GCN1: variants seen among roughly 807,000 people sequenced by gnomAD.
The protein encoded by GCN1 is GCN1 activator of EIF2AK4.
Under a neutral mutation model 288.4 loss-of-function variants are expected in GCN1, and 90 were observed. That is an observed-to-expected ratio of 0.31 (90% CI 0.26 to 0.37). GCN1 has a LOEUF of 0.37. Ranked by LOEUF, GCN1 falls within the 10% of genes least tolerant of loss-of-function variation. GCN1 has a pLI of 1.00. For synonymous variants in GCN1, 1,386 were observed against 1,420.2 expected, an observed-to-expected ratio of 0.98 and a Z score of 0.54; for missense variants, 2,586 against 3,419.9, an observed-to-expected ratio of 0.76 and a Z score of 6.08.
At chr12:120,152,389 G>GCACACACA (rs59756164) in intron 33 of GCN1, among the ~76,000 whole-genome samples, 3 of 116,576 alleles carry the variant, frequency 2.6e-5, no homozygotes, top group African/African-American at 1.0e-4. Flanking sequence ...ACACACACGC[G>GCACACACA]CACACACACA....
intron 36 of GCN1, among the ~76,000 whole-genome samples, chr12:120,148,660 T>A (rs556482945): frequency 1.3e-5 from 2 of 152,266 alleles, no homozygotes; most frequent in South Asian, 4.1e-4. Context: ...TGTTTCTTCA[T>A]CCACAAATGA....
At chr12:120,150,084 C>A in intron 34 of GCN1, 41 bp from the exon 35 acceptor site, 1 of 1,608,580 alleles carries the variant, frequency 6.2e-7, no homozygotes, top group Non-Finnish European at 8.5e-7. Context: ...AGAGAATGTC[C>A]CCTGGGGGTA....
intron 16 of GCN1, among the ~76,000 whole-genome samples, chr12:120,165,024 CACACACACACACAT>C (rs1878065514): frequency 6.9e-6 from 1 of 145,168 alleles, no homozygotes; most frequent in African/African-American, 2.6e-5. Flanking sequence ...CACACACACA[CACACACACACACAT>C]ATATATATAT....
chr12:120,187,887 G>GGA (rs1555303498), intron 2 of GCN1, among the ~76,000 whole-genome samples: 4 of 99,618 alleles, frequency 4.0e-5, no homozygotes, highest in African/African-American at 1.5e-4. Context: ...CAAAAGAAAT[G>GGA]AAAAAAAAAA....
intron 55 of GCN1, 83 bp downstream of exon 55, chr12:120,131,102 C>A: frequency 1.6e-6 from 2 of 1,276,310 alleles, no homozygotes; most frequent in South Asian, 1.3e-5. Context: ...AAGCCCCAGT[C>A]TGGGGTCCAC....
chr12:120,145,679 T>C (rs973269197), intron 38 of GCN1, among the ~76,000 whole-genome samples: 14 of 152,348 alleles, frequency 9.2e-5, no homozygotes, highest in African/African-American at 3.1e-4. Context: ...CCTTTCAGAA[T>C]TTTATTAACA....
chr12:120,166,502 A>G (rs1432841462), intron 16 of GCN1, among the ~76,000 whole-genome samples: 1 of 151,880 alleles, frequency 6.6e-6, no homozygotes, highest in Admixed American at 6.6e-5. Context: ...CAGGAGACCA[A>G]GACCAGCCTG....
intron 36 of GCN1, among the ~76,000 whole-genome samples, chr12:120,149,055 A>G (rs931298248): frequency 9.3e-5 from 14 of 151,266 alleles, no homozygotes; most frequent in South Asian, 6.2e-4. Flanking sequence ...CCTGCCCTCA[A>G]GAGATTCTCC....
At position 120,164,487 on chromosome 12, in the gene GCN1, T is replaced by G. The variant is rs1199782190; in HGVS notation, c.1697A>C (p.His566Pro). The G allele has an allele frequency of 1.2e-6, 2 of 1,613,808 alleles. No homozygotes were observed. The highest frequency in any genetic ancestry group is 8.5e-7 in the Non-Finnish European group (1 of 1,179,884). The change falls in exon 18 of 58, where the codon CAC becomes CCC. Residue 566 changes from histidine to proline, a missense_variant. Physicochemically the swap from His to Pro is moderately conservative, Grantham distance 77. This residue lies in a region of GCN1 where 913 missense variants were observed against 1,107.0 expected (regional missense o/e 0.82). Transcript: ENST00000300648. ...RLTGNKVQQY[H>P]RALVAVLLSR... ...CAGGAGCACCGCCACCAGAGCCCGG[T>G]GGTACTGCCTGCAAGCACAGGGACA... is the stretch of plus-strand genomic sequence containing the variant.
intron 5 of GCN1, among the ~76,000 whole-genome samples, chr12:120,182,299 T>C (rs935951900): frequency 1.4e-4 from 21 of 152,310 alleles, no homozygotes; most frequent in Non-Finnish European, 2.5e-4. Context: ...TACGTAATCC[T>C]TGACCCTCAA....
intron 2 of GCN1, among the ~76,000 whole-genome samples, chr12:120,188,767 T>C (rs1041258540): frequency 6.7e-6 from 1 of 149,640 alleles, no homozygotes; most frequent in African/African-American, 2.5e-5. Flanking sequence ...AAGAATGATA[T>C]GAACCCGGGA....
rs1878042571 is a variant in GCN1, at chr12:120,164,627, G to A, written c.1688+19C>T. The A allele has an allele frequency of 6.2e-7, 1 of 1,611,128 alleles. No homozygotes were observed. The highest frequency in any genetic ancestry group is 8.5e-7 in the Non-Finnish European group (1 of 1,177,432). On this transcript the variant is annotated intron_variant, in intron 17 of 57. Coordinates refer to ENST00000300648, the MANE Select transcript of GCN1 (RefSeq NM_006836.2). Reference sequence around the variant, plus strand: ...TGCCTCATTTGGCCCAAAAGAAAAGGTAAGCCAGCCTCACGTACTGAACTT... The same window carrying A: ...TGCCTCATTTGGCCCAAAAGAAAAGATAAGCCAGCCTCACGTACTGAACTT...
In GCN1 at chr12:120,132,134, A is replaced by C. The variant is rs537836854; in HGVS notation, c.7318-112T>G. The C allele has an allele frequency of 3.4e-5, 24 of 703,230 alleles. No individual in the cohort carries two copies. In the East Asian group the frequency reaches 6.4e-4, roughly 19 times the overall value. 43.6% of individuals were successfully genotyped at this position (703,230 alleles called of 1,614,324 possible). ...TGGACAGCAACAAAGAAGGTGGAAAAGCCAACTCAGAGACTCAAGATCCAG... is the reference window on the plus strand; with the variant it reads ...TGGACAGCAACAAAGAAGGTGGAAACGCCAACTCAGAGACTCAAGATCCAG... On this transcript the variant is annotated intron_variant, in intron 53 of 57. Transcript: ENST00000300648.
intron 12 of GCN1, 44 bp downstream of exon 12, chr12:120,175,118 C>CT: frequency 1.4e-6 from 2 of 1,470,714 alleles, no homozygotes; most frequent in Non-Finnish European, 1.8e-6. Flanking sequence ...CACAGCAAGA[C>CT]TTTCTCTCAA....
At chr12:120,169,261 A>G (rs1878232729) in intron 15 of GCN1, among the ~76,000 whole-genome samples, 1 of 127,086 alleles carries the variant, frequency 7.9e-6, no homozygotes, top group African/African-American at 3.0e-5. Context: ...TGGGCGACAG[A>G]GCGAAACTCC....
chr12:120,140,115 A>C (rs562887672), intron 45 of GCN1, among the ~76,000 whole-genome samples: 16 of 152,370 alleles, frequency 1.1e-4, no homozygotes, highest in African/African-American at 3.8e-4. Context: ...CAAACGTAAG[A>C]CAAACATCAA....
In GCN1 at chr12:120,144,609, C is replaced by A. The variant is rs765025935; in HGVS notation, c.5352+30G>T. ...ACTTGCCTCCTGCCCTCCTCAAGGACTCTACCCTTGCCAAGGTCATGGTAC... is the reference window on the plus strand; with the variant it reads ...ACTTGCCTCCTGCCCTCCTCAAGGAATCTACCCTTGCCAAGGTCATGGTAC... On this transcript the variant is annotated intron_variant, in intron 41 of 57. Coordinates refer to ENST00000300648, the MANE Select transcript of GCN1 (RefSeq NM_006836.2). This position sits in a 1 kb window ranked among gnomAD's most constrained non-coding sequence, Gnocchi z 4.7. 2.5e-6 allele frequency: 4 copies of A among 1,598,628 alleles called. No homozygotes were observed. Among genetic ancestry groups the A allele is most frequent in the African/African-American group, 2.7e-5 (2 of 74,678 alleles).
chr12:120,152,387 G>GCACA (rs1323846613), intron 33 of GCN1, among the ~76,000 whole-genome samples: 1 of 116,150 alleles, frequency 8.6e-6, no homozygotes, highest in Non-Finnish European at 1.7e-5. Flanking sequence ...ACACACACAC[G>GCACA]CGCACACACA....
chr12:120,150,894 G>A lies in GCN1; in HGVS notation c.4309+251C>T, dbSNP rs147240657. On this transcript the variant is annotated intron_variant, in intron 34 of 57. Transcript: ENST00000300648. ...TGAGCTTGCAGTGAGCCAAGATCAC[G>A]CCACTGCACTCTAGCCTGGGCGACA... 4.3e-3 allele frequency among the ~76,000 whole-genome samples: 646 copies of A among 151,608 alleles called. 5 individuals are homozygous for A. Among genetic ancestry groups the A allele is most frequent in the African/African-American group, 0.015 (620 of 41,338 alleles).
Sources: gnomAD v4.1 joint callset for allele counts (sites outside exome capture counted in the v4.1 genomes callset) on GRCh38, gnomAD v4.1.1 for gene constraint, gnomAD v4.1.1 regional missense constraint, Gnocchi (gnomAD v3.1) non-coding constraint, MANE v1.5 for transcripts, NCBI Gene and HGNC (gene_info 2026-07-23, HGNC 2026-07-21) for gene names.